Variants in C1QBP observed in about 807,000 individuals in gnomAD.
The protein encoded by C1QBP is complement C1q binding protein.
A neutral mutation model predicts 29.4 loss-of-function variants in C1QBP; 24 were observed. The observed-to-expected ratio is 0.82, with a 90% CI of 0.59 to 1.15. The LOEUF (loss-of-function observed/expected upper bound fraction) is 1.15, where lower values mean the gene tolerates loss of function less well. Among genes scored for constraint, C1QBP ranks in the 50% most tolerant of loss-of-function variants. The pLI is 0.00. For missense variants in C1QBP, 337 were observed against 355.8 expected, an observed-to-expected ratio of 0.95 and a Z score of 0.43; for synonymous variants, 182 against 149.2, an observed-to-expected ratio of 1.22 and a Z score of -1.60.
Position 5,434,464 on chromosome 17 carries a change from CTTT to C in C1QBP, c.477+406_477+408del, listed in dbSNP as rs576803401. On this transcript the variant is annotated intron_variant, in intron 3 of 5. Coordinates refer to ENST00000225698, the MANE Select transcript of C1QBP (RefSeq NM_001212.4). ...CTTATGCCCCTGCCATTCTCTCTCT[CTTT>C]TTTTTTTTTTTTTTTTTTTGAGACA... is the stretch of plus-strand genomic sequence containing the variant. 8.0e-3 allele frequency among the ~76,000 whole-genome samples: 779 copies of C among 97,814 alleles called. 3 individuals are homozygous for C. The highest frequency in any genetic ancestry group is 0.029 in the African/African-American group (708 of 24,470). 64.2% of individuals were successfully genotyped at this position (97,814 alleles called of 152,430 possible).
rs112650993 is a variant in C1QBP, at chr17:5,433,626, G to A, written c.576+43C>T. 16 of 1,587,554 alleles carry A rather than the reference G, an allele frequency of 1.0e-5. No homozygotes were observed. The African/African-American group carries it at 2.0e-4, about 20-fold the overall frequency. ...ACAGGAAGTTCCCAAGGGACACACT[G>A]TTCCCCAGGGGTGCCAAGAGGCTAG... On this transcript the variant is annotated intron_variant, in intron 4 of 5. Coordinates refer to ENST00000225698, the MANE Select transcript of C1QBP (RefSeq NM_001212.4).
intron 2 of C1QBP, among the ~76,000 whole-genome samples, chr17:5,437,011 G>C (rs942524467): frequency 7.2e-5 from 11 of 152,074 alleles, no homozygotes; most frequent in East Asian, 5.8e-4. Flanking sequence ...CGTGGGGTTG[G>C]GGGGGGAAGC....
intron 2 of C1QBP, among the ~76,000 whole-genome samples, chr17:5,435,972 G>T (rs931415062): frequency 6.7e-6 from 1 of 149,206 alleles, no homozygotes; most frequent in Non-Finnish European, 1.5e-5. Context: ...CTTGAACCTG[G>T]GAGGTGGAGG....
At chr17:5,433,488 A>G in intron 4 of C1QBP, 73 bp from the exon 5 acceptor site, 1 of 1,588,790 alleles carries the variant, frequency 6.3e-7, no homozygotes, top group Non-Finnish European at 8.6e-7. Context: ...AAAGGGGGCC[A>G]CTGACAGCAT....
At chr17:5,434,464 C>CATTTT (rs1555532574) in intron 3 of C1QBP, among the ~76,000 whole-genome samples, 1 of 97,864 alleles carries the variant, frequency 1.0e-5, no homozygotes, top group East Asian at 3.8e-4. Context: ...TTCTCTCTCT[C>CATTTT]TTTTTTTTTT....
chr17:5,436,573 C>G (rs1916276974), intron 2 of C1QBP, among the ~76,000 whole-genome samples: 1 of 151,612 alleles, frequency 6.6e-6, no homozygotes. Context: ...AATAGGTAAA[C>G]TGAACTTCCT....
intron 2 of C1QBP, 88 bp from the exon 3 acceptor site, chr17:5,435,054 TAC>T: frequency 1.7e-6 from 2 of 1,202,834 alleles, no homozygotes; most frequent in East Asian, 2.3e-5. Flanking sequence ...GGAAATCTGC[TAC>T]AGTTAAAAAG....
intron 3 of C1QBP, 100 bp downstream of exon 3, chr17:5,434,773 A>G: frequency 1.1e-6 from 1 of 933,618 alleles, no homozygotes; most frequent in Non-Finnish European, 1.6e-6. Context: ...ACTTAGAGGA[A>G]TTTTTTTTTT....
chr17:5,436,046 A>G (rs111768761), intron 2 of C1QBP, among the ~76,000 whole-genome samples: 1 of 87,924 alleles, frequency 1.1e-5, no homozygotes, highest in South Asian at 8.2e-4. Context: ...CTCTGTCAGA[A>G]AAAAAAAAAA....
At chr17:5,438,035 G>A in intron 2 of C1QBP, 88 bp downstream of exon 2, 1 of 1,496,008 alleles carries the variant, frequency 6.7e-7, no homozygotes. Context: ...ATCCACACCT[G>A]AACTCAAGGC....
intron 2 of C1QBP, among the ~76,000 whole-genome samples, chr17:5,437,819 C>A (rs1039101102): frequency 6.6e-6 from 1 of 152,166 alleles, no homozygotes; most frequent in Non-Finnish European, 1.5e-5. Flanking sequence ...CATTTTCACC[C>A]ATACTAAACA....
chr17:5,438,366 G>C (rs1916331219), intron 1 of C1QBP, 93 bp from the exon 2 acceptor site: 1 of 1,417,218 alleles, frequency 7.1e-7, no homozygotes, highest in Non-Finnish European at 9.5e-7. Context: ...AACCTGGACT[G>C]TTTCTAATCT....
chr17:5,435,795 C>T (rs563313303), intron 2 of C1QBP, among the ~76,000 whole-genome samples: 3 of 148,728 alleles, frequency 2.0e-5, no homozygotes, highest in East Asian at 2.0e-4. Context: ...TTTGGGAGGC[C>T]GAGGTGGGCA....
At position 5,438,282 on chromosome 17, in the gene C1QBP, G is replaced by C. The variant is rs1190034053; in HGVS notation, c.233-9C>G. 1.9e-6 allele frequency: 3 copies of C among 1,611,900 alleles called. No individual in the cohort carries two copies. Among genetic ancestry groups the C allele is most frequent in the South Asian group, 1.1e-5 (1 of 90,852 alleles). ...AACAAAAGCTTTGTCTCCTAGAAAA[G>C]AAATCCAGATACATAAAAAGGAAAG... On this transcript the variant is annotated splice_polypyrimidine_tract_variant and intron_variant, in intron 1 of 5. Transcript: ENST00000225698.
At chr17:5,433,446 G>C (rs779712568) in intron 4 of C1QBP, 31 bp from the exon 5 acceptor site, 3 of 1,613,866 alleles carry the variant, frequency 1.9e-6, no homozygotes, top group Non-Finnish European at 2.5e-6. Context: ...GAAACTGAAG[G>C]GTTCTCCAGG....
intron 3 of C1QBP, among the ~76,000 whole-genome samples, chr17:5,434,464 CTTTTTTTTT>C (rs576803401): frequency 1.2e-4 from 12 of 97,864 alleles, no homozygotes; most frequent in South Asian, 8.6e-4. Context: ...TTCTCTCTCT[CTTTTTTTTT>C]TTTTTTTTTT....
At chr17:5,436,040 G>GTC (rs111314023) in intron 2 of C1QBP, among the ~76,000 whole-genome samples, 58,096 of 125,018 alleles carry the variant, frequency 0.46, 15,008 homozygotes, top group East Asian at 0.97. Flanking sequence ...GCAAGACTCT[G>GTC]TCAGAAAAAA....
chr17:5,433,841 A>C, intron 3 of C1QBP, 74 bp from the exon 4 acceptor site: 1 of 1,273,854 alleles, frequency 7.9e-7, no homozygotes. Flanking sequence ...CTCTGTTCAG[A>C]GTGTCTGATG....
At position 5,439,056 on chromosome 17, in the gene C1QBP, G is replaced by A; in HGVS notation, c.18C>T (p.Arg6=). 2 of 1,536,756 alleles carry A rather than the reference G, an allele frequency of 1.3e-6. No homozygotes were observed. The highest frequency in any genetic ancestry group is 2.4e-5 in the South Asian group (2 of 83,760). Residue 6 remains arginine (R), a synonymous_variant, in exon 1 of 6, where the codon CGC becomes CGT. Transcript: ENST00000225698. ...AGGAGCCCAGCACACGGGGCACGCA[G>A]CGCAGCAGAGGCAGCATCGCGGAAA... MLPLL[R]CVPRVLGSSV...
Sources: allele counts gnomAD v4.1 joint callset (sites outside exome capture counted in the v4.1 genomes callset), GRCh38; gene constraint gnomAD v4.1.1; transcripts MANE v1.5; gene names NCBI Gene and HGNC (gene_info 2026-07-23, HGNC 2026-07-21).